The following LCORL variants were observed in gnomAD, a reference collection of about 807,000 sequenced individuals.
The protein encoded by LCORL is ligand-dependent nuclear receptor corepressor-like protein.
Under a neutral mutation model 141.8 loss-of-function variants are expected in LCORL, and 41 were observed. That is an observed-to-expected ratio of 0.29 (90% CI 0.23 to 0.38). The LOEUF is 0.38. Among genes scored for constraint, LCORL ranks in the 10% least tolerant of loss-of-function variants. The pLI, the probability that LCORL is intolerant of heterozygous loss-of-function variation, is 1.00. For missense variants in LCORL, 1,759 were observed against 2,035.0 expected (o/e 0.86, Z 2.61); for synonymous variants, 618 against 694.1 (o/e 0.89, Z 1.72).
At chr4:18,018,569 G>A (rs62410188) in intron 1 of LCORL, among the ~76,000 whole-genome samples, 1 of 152,054 alleles carries the variant, frequency 6.6e-6, no homozygotes, top group Non-Finnish European at 1.5e-5. Flanking sequence ...AGAGTTAAAC[G>A]TTTACCTTTG....
chr4:17,927,861 AGCACGTTATAAGG>A (rs1735401093), intron 4 of LCORL, among the ~76,000 whole-genome samples: 1 of 152,248 alleles, frequency 6.6e-6, no homozygotes, highest in South Asian at 2.1e-4. Context: ...ACATGAAGCG[AGCACGTTATAAGG>A]AAAACGGCGC....
chr4:17,959,340 A>G (rs2109586543), intron 4 of LCORL, among the ~76,000 whole-genome samples: 1 of 152,192 alleles, frequency 6.6e-6, no homozygotes, highest in East Asian at 1.9e-4. Flanking sequence ...AAAAGAGTCT[A>G]GGTGCTCCTC....
In LCORL at chr4:17,998,964, C is replaced by CAA. The variant is rs775544332; in HGVS notation, c.154+22632_154+22633dup. ...TGGGTGACAGAGTGAGACCCTGTCTCAAAAAAAAAAAAAAAAAAAAAATAT... is the reference window on the plus strand; with the variant it reads ...TGGGTGACAGAGTGAGACCCTGTCTCAAAAAAAAAAAAAAAAAAAAAAAATAT... On this transcript the variant is annotated intron_variant, in intron 1 of 7. Transcript: ENST00000635767. Among the ~76,000 whole-genome samples, 146 of 44,718 alleles carry CAA rather than the reference C, an allele frequency of 3.3e-3. 3 individuals are homozygous for CAA. The highest frequency in any genetic ancestry group is 8.1e-3 in the African/African-American group (82 of 10,156). 29.3% of individuals were successfully genotyped at this position (44,718 alleles called of 152,430 possible).
intron 5 of LCORL, among the ~76,000 whole-genome samples, chr4:17,898,140 GACA>G (rs1226770932): frequency 6.6e-6 from 1 of 151,876 alleles, no homozygotes; most frequent in Non-Finnish European, 1.5e-5. Flanking sequence ...AAAAAATAAT[GACA>G]ACATTATTAC....
At chr4:17,893,377 A>C in intron 5 of LCORL, 1 of 962,516 alleles carries the variant, frequency 1.0e-6, no homozygotes, top group South Asian at 4.8e-5. Flanking sequence ...TAAGTAAATG[A>C]ATTTAAGTAT....
At chr4:17,873,443 A>G (rs1726585050) in exon 7 of LCORL, 1 of 1,233,530 alleles carries the variant, frequency 8.1e-7, no homozygotes, top group African/African-American at 1.5e-5. Context: ...ACTGTCGTTT[A>G]TGTCTTTTTG....
rs1428075577 is a variant in LCORL at position 17,850,398 on chromosome 4, T to C, written c.5603-4497A>G. 2.5e-3 allele frequency among the ~76,000 whole-genome samples: 382 copies of C among 150,436 alleles called. 1 individual carries two copies. The highest frequency in any genetic ancestry group is 8.2e-3 in the African/African-American group (340 of 41,266). Reference sequence around the variant, plus strand: ...ACCTACTCATCTGACAAAGGGCTAATATCCAGAATCTACAATGAACTCAAA... The same window carrying C: ...ACCTACTCATCTGACAAAGGGCTAACATCCAGAATCTACAATGAACTCAAA... On this transcript the variant is annotated intron_variant, in intron 7 of 7. Coordinates refer to ENST00000635767, the Ensembl canonical transcript of LCORL.
At chr4:17,961,180 C>G (rs1258779458) in intron 4 of LCORL, among the ~76,000 whole-genome samples, 1 of 152,026 alleles carries the variant, frequency 6.6e-6, no homozygotes. Flanking sequence ...CCTAAACATG[C>G]ACCATAACTT....
At chr4:17,971,315 A>C (rs1715882785) in intron 2 of LCORL, among the ~76,000 whole-genome samples, 1 of 152,016 alleles carries the variant, frequency 6.6e-6, no homozygotes. Flanking sequence ...TATACAGTAT[A>C]TATACACTGC....
intron 7 of LCORL, among the ~76,000 whole-genome samples, chr4:17,869,199 C>T (rs1726046444): frequency 6.6e-6 from 1 of 151,922 alleles, no homozygotes; most frequent in South Asian, 2.1e-4. Context: ...TTGTTTATTC[C>T]CTATTGGCTT....
intron 1 of LCORL, among the ~76,000 whole-genome samples, chr4:17,996,560 T>C (rs886771956): frequency 6.6e-6 from 1 of 152,038 alleles, no homozygotes; most frequent in African/African-American, 2.4e-5. Context: ...GAAAGGGAAA[T>C]GGACTGGCAA....
chr4:17,938,480 G>A (rs1560372865), intron 4 of LCORL, among the ~76,000 whole-genome samples: 3 of 147,578 alleles, frequency 2.0e-5, no homozygotes, highest in South Asian at 2.1e-4. Context: ...GCAATGGTGC[G>A]ATCTCGGCTC....
intron 5 of LCORL, among the ~76,000 whole-genome samples, chr4:17,904,610 T>C (rs1731340855): frequency 6.6e-6 from 1 of 152,118 alleles, no homozygotes; most frequent in South Asian, 2.1e-4. Flanking sequence ...TATCCCCCTT[T>C]TGGGTAATCA....
chr4:17,927,626 C>T (rs1735359610), intron 4 of LCORL, among the ~76,000 whole-genome samples: 1 of 152,074 alleles, frequency 6.6e-6, no homozygotes, highest in Non-Finnish European at 1.5e-5. Flanking sequence ...ATTAACAGGC[C>T]TAACTTCAAT....
chr4:17,973,814 A>ATGTTTGGAG (rs1716430320), intron 1 of LCORL, among the ~76,000 whole-genome samples: 1 of 152,146 alleles, frequency 6.6e-6, no homozygotes, highest in Non-Finnish European at 1.5e-5. Flanking sequence ...CATCTCCAAA[A>ATGTTTGGAG]TCAAGACTCA....
At chr4:17,897,601 GACT>G (rs1342294987) in intron 5 of LCORL, among the ~76,000 whole-genome samples, 1 of 152,042 alleles carries the variant, frequency 6.6e-6, no homozygotes. Flanking sequence ...CTCCAATAGA[GACT>G]ACTAACTCTG....
intron 7 of LCORL, among the ~76,000 whole-genome samples, chr4:17,848,912 A>G (rs1366067393): frequency 1.3e-5 from 2 of 152,224 alleles, no homozygotes; most frequent in Non-Finnish European, 2.9e-5. Flanking sequence ...CTACGCCCAC[A>G]GAGTCTCGCT....
At chr4:17,905,460 T>A (rs552536653) in intron 5 of LCORL, among the ~76,000 whole-genome samples, 1 of 152,226 alleles carries the variant, frequency 6.6e-6, no homozygotes, top group South Asian at 2.1e-4. Flanking sequence ...GATTTTTGCA[T>A]CTAGGTTTGT....
At chr4:17,978,748 G>A (rs374528797) in intron 1 of LCORL, among the ~76,000 whole-genome samples, 9 of 152,030 alleles carry the variant, frequency 5.9e-5, no homozygotes, top group African/African-American at 2.2e-4. Flanking sequence ...TTTTATGGAT[G>A]TCACCCTACA....
Sources: allele counts gnomAD v4.1 joint callset (sites outside exome capture counted in the v4.1 genomes callset), GRCh38; gene constraint gnomAD v4.1.1; transcripts MANE v1.5; gene names NCBI Gene and HGNC (gene_info 2026-07-23, HGNC 2026-07-21).